The following TASP1 variants were observed in gnomAD, a reference collection of about 807,000 sequenced individuals.
TASP1 encodes the protein threonine aspartase 1.
In TASP1, 16 loss-of-function variants were observed where a neutral mutation model predicts 56.6. That is an observed-to-expected ratio of 0.28 (90% CI 0.19 to 0.43). The LOEUF (loss-of-function observed/expected upper bound fraction) is 0.43, where lower values mean the gene tolerates loss of function less well. Among genes scored for constraint, TASP1 ranks in the 20% least tolerant of loss-of-function variants. TASP1 has a pLI of 1.00. For synonymous variants in TASP1, 179 were observed against 184.2 expected (o/e 0.97, Z 0.23); for missense variants, 393 against 511.6 (o/e 0.77, Z 2.24).
intron 10 of TASP1, among the ~76,000 whole-genome samples, chr20:13,525,329 C>T (rs1308859666): frequency 6.6e-6 from 1 of 152,116 alleles, no homozygotes; most frequent in African/African-American, 2.4e-5. Flanking sequence ...AGAGTCTGGA[C>T]AGGAACTCAT....
intron 10 of TASP1, among the ~76,000 whole-genome samples, chr20:13,520,451 C>T (rs559404057): frequency 2.6e-5 from 4 of 152,046 alleles, no homozygotes; most frequent in African/African-American, 4.8e-5. Flanking sequence ...CAGAACAGAG[C>T]CCTCAGAAAC....
At chr20:13,274,578 C>G in the TASP1 span, among the ~76,000 whole-genome samples, 1 of 152,312 alleles carries the variant, frequency 6.6e-6, no homozygotes, top group East Asian at 1.9e-4. Flanking sequence ...GTGTTTCCCA[C>G]GCTCCAGGGC....
chr20:13,325,907 G>A, the TASP1 span, among the ~76,000 whole-genome samples: 3 of 151,944 alleles, frequency 2.0e-5, no homozygotes, highest in African/African-American at 7.3e-5. Flanking sequence ...CAATACACAC[G>A]TCGACCATCA....
the TASP1 span, chr20:13,244,333 A>G: frequency 6.7e-6 from 1 of 148,752 alleles, no homozygotes; most frequent in Non-Finnish European, 1.5e-5. Context: ...CAGCTCACAT[A>G]GAGGTGTCAG....
chr20:13,241,521 C>T, the TASP1 span, among the ~76,000 whole-genome samples: 1 of 152,044 alleles, frequency 6.6e-6, no homozygotes, highest in Non-Finnish European at 1.5e-5. Context: ...AAAGCTTGTT[C>T]TGTGTAACAA....
the TASP1 span, among the ~76,000 whole-genome samples, chr20:13,323,624 G>A: frequency 2.6e-5 from 4 of 152,218 alleles, no homozygotes; most frequent in Admixed American, 6.5e-5. Flanking sequence ...ACTACCATAC[G>A]ACTATAATTC....
chr20:13,556,821 C>T (rs1240641668), intron 8 of TASP1, among the ~76,000 whole-genome samples: 1 of 152,214 alleles, frequency 6.6e-6, no homozygotes, highest in African/African-American at 2.4e-5. Context: ...CGTTGACCAT[C>T]CTATTTAACA....
the TASP1 span, among the ~76,000 whole-genome samples, chr20:13,363,760 A>G: frequency 6.6e-6 from 1 of 152,240 alleles, no homozygotes; most frequent in Non-Finnish European, 1.5e-5. Flanking sequence ...TTAATGTCCA[A>G]TGCAGAATTG....
chr20:13,314,543 T>C, the TASP1 span, among the ~76,000 whole-genome samples: 18,710 of 151,478 alleles, frequency 0.12, 1,269 homozygotes, highest in Admixed American at 0.18. Flanking sequence ...ACTTCAAAAG[T>C]AAAGGAGAAA....
intron 8 of TASP1, among the ~76,000 whole-genome samples, chr20:13,553,016 A>G (rs1184510064): frequency 6.6e-6 from 1 of 152,044 alleles, no homozygotes; most frequent in East Asian, 1.9e-4. Flanking sequence ...GCTCACTGTA[A>G]CCTCAAACTC....
At chr20:13,148,803 G>A in the TASP1 span, among the ~76,000 whole-genome samples, 2 of 152,198 alleles carry the variant, frequency 1.3e-5, no homozygotes, top group Non-Finnish European at 2.9e-5. Flanking sequence ...TGGACATAAG[G>A]TTTGCCAAGC....
the TASP1 span, among the ~76,000 whole-genome samples, chr20:13,212,059 G>T: frequency 6.6e-6 from 1 of 152,060 alleles, no homozygotes; most frequent in African/African-American, 2.4e-5. Flanking sequence ...AATTCTATGT[G>T]GAAACAGCAT....
At chr20:13,283,805 T>C in the TASP1 span, among the ~76,000 whole-genome samples, 6 of 152,240 alleles carry the variant, frequency 3.9e-5, no homozygotes, top group Admixed American at 2.0e-4. Flanking sequence ...TAGGACCCAG[T>C]TGAAATTCTC....
chr20:13,540,621 A>G (rs1025046969), intron 8 of TASP1, among the ~76,000 whole-genome samples: 19 of 152,230 alleles, frequency 1.2e-4, no homozygotes, highest in African/African-American at 4.6e-4. Context: ...GCTGAGCAAA[A>G]GAAGCTGGAC....
intron 13 of TASP1, among the ~76,000 whole-genome samples, chr20:13,406,521 T>C (rs2041925472): frequency 6.6e-6 from 1 of 152,214 alleles, no homozygotes; most frequent in Non-Finnish European, 1.5e-5. Flanking sequence ...GATGAGTGGA[T>C]GCCCTCTTTG....
chr20:13,439,910 G>A (rs1231234751), intron 11 of TASP1, among the ~76,000 whole-genome samples: 2 of 152,072 alleles, frequency 1.3e-5, no homozygotes, highest in Non-Finnish European at 2.9e-5. Context: ...AAGAATTGAA[G>A]ATGAGTGTTC....
the TASP1 span, among the ~76,000 whole-genome samples, chr20:13,206,122 G>A: frequency 3.3e-5 from 5 of 152,174 alleles, no homozygotes; most frequent in Non-Finnish European, 7.4e-5. Context: ...GACATTGGCA[G>A]TGTCTGCAAC....
chr20:13,384,688 C>T (rs1281815154), downstream of TASP1, among the ~76,000 whole-genome samples: 1 of 152,168 alleles, frequency 6.6e-6, no homozygotes, highest in African/African-American at 2.4e-5. Flanking sequence ...TCCAACCTCC[C>T]ATTCACTCCC....
At chr20:13,251,680 G>C in the TASP1 span, among the ~76,000 whole-genome samples, 1 of 152,210 alleles carries the variant, frequency 6.6e-6, no homozygotes, top group Admixed American at 6.5e-5. Flanking sequence ...AGCAAGAGTT[G>C]CAACAGACTC....
Sources: gnomAD v4.1 joint callset for allele counts (sites outside exome capture counted in the v4.1 genomes callset) on GRCh38, gnomAD v4.1.1 for gene constraint, MANE v1.5 for transcripts, NCBI Gene and HGNC (gene_info 2026-07-23, HGNC 2026-07-21) for gene names.